Variants in TAFA1 observed in about 807,000 individuals in gnomAD.
TAFA1 encodes the protein TAFA chemokine like family member 1, also known as chemokine-like protein TAFA-1.
TAFA1 carries 4 observed loss-of-function variants against 18.5 expected under a neutral mutation model. That is an observed-to-expected ratio of 0.22 (90% confidence interval 0.11 to 0.49). The LOEUF (loss-of-function observed/expected upper bound fraction) is 0.49. TAFA1 is among the 20% of genes least tolerant of loss of function. The probability of loss-of-function intolerance (pLI) is 0.98; values close to 1 mark genes in which losing one functional copy is unlikely to be tolerated. For missense variants in TAFA1, 147 were observed against 169.0 expected (o/e 0.87, Z 0.72); for synonymous variants, 56 against 55.2 (o/e 1.01, Z -0.06).
chr3:68,353,870 C>A (rs9824696), intron 2 of TAFA1, among the ~76,000 whole-genome samples: 1 of 151,950 alleles, frequency 6.6e-6, no homozygotes, highest in African/African-American at 2.4e-5. Flanking sequence ...ATTAATCAAC[C>A]CCAGTCTGAG....
chr3:68,286,951 A>G (rs1382279478), intron 2 of TAFA1, among the ~76,000 whole-genome samples: 1 of 152,192 alleles, frequency 6.6e-6, no homozygotes, highest in African/African-American at 2.4e-5. Context: ...TACAATTGGA[A>G]CAGAGGCTCA....
At chr3:68,147,971 A>C (rs1583659) in intron 2 of TAFA1, among the ~76,000 whole-genome samples, 84,481 of 152,064 alleles carry the variant, frequency 0.56, 25,050 homozygotes, top group South Asian at 0.74. Context: ...AAATAAATCA[A>C]TTATTTGGTG....
chr3:68,148,633 C>T (rs1287199593), intron 2 of TAFA1, among the ~76,000 whole-genome samples: 3 of 152,110 alleles, frequency 2.0e-5, no homozygotes, highest in African/African-American at 4.8e-5. Context: ...TGTCACATTC[C>T]GTGCTGTGTT....
In TAFA1 at chr3:68,224,896, C is replaced by CT. The variant is rs71112624; in HGVS notation, c.119-192354dup. ...TTTCCAAAACGTTTGGCTTGTGGCACTTTTTTTTTTTTTTTTTTTTTTTTT... is the reference window on the plus strand; with the variant it reads ...TTTCCAAAACGTTTGGCTTGTGGCACTTTTTTTTTTTTTTTTTTTTTTTTTT... On this transcript the variant is annotated intron_variant, in intron 2 of 4. Coordinates refer to ENST00000478136, the MANE Select transcript of TAFA1 (RefSeq NM_213609.4). Among the ~76,000 whole-genome samples, 159 of 46,374 alleles carry CT rather than the reference C, an allele frequency of 3.4e-3. 36 individuals are homozygous for CT. In the East Asian group the frequency reaches 0.036, roughly 10 times the overall value. 30.4% of individuals were successfully genotyped at this position (46,374 alleles called of 152,430 possible). A position where few individuals can be genotyped will look rare whatever the true frequency, so the allele number is the denominator to read the frequency against.
intron 3 of TAFA1, among the ~76,000 whole-genome samples, chr3:68,476,957 C>T (rs2072109793): frequency 6.6e-6 from 1 of 152,036 alleles, no homozygotes; most frequent in Non-Finnish European, 1.5e-5. Flanking sequence ...GGTAAATACA[C>T]CCATGTATCC....
At chr3:68,036,668 A>G (rs1416554330) in intron 2 of TAFA1, among the ~76,000 whole-genome samples, 1 of 152,040 alleles carries the variant, frequency 6.6e-6, no homozygotes, top group Non-Finnish European at 1.5e-5. Flanking sequence ...TGGTAAATCC[A>G]TGTGAGGTTA....
At chr3:68,397,701 A>G (rs1316111759) in intron 2 of TAFA1, among the ~76,000 whole-genome samples, 1 of 152,132 alleles carries the variant, frequency 6.6e-6, no homozygotes, top group Non-Finnish European at 1.5e-5. Flanking sequence ...GCTGGGTGAA[A>G]TGGTATTTCT....
At chr3:68,164,491 T>C (rs1049384614) in intron 2 of TAFA1, among the ~76,000 whole-genome samples, 6 of 152,208 alleles carry the variant, frequency 3.9e-5, no homozygotes, top group Non-Finnish European at 7.3e-5. Flanking sequence ...ATATTCCCAG[T>C]TTTTGTAAAC....
At chr3:68,375,243 C>G (rs1179304143) in intron 2 of TAFA1, among the ~76,000 whole-genome samples, 1 of 152,112 alleles carries the variant, frequency 6.6e-6, no homozygotes, top group African/African-American at 2.4e-5. Context: ...AGGAGCAGGA[C>G]TGTTTTCTAT....
At chr3:68,536,790 T>C (rs1414958524) in intron 3 of TAFA1, among the ~76,000 whole-genome samples, 4 of 152,192 alleles carry the variant, frequency 2.6e-5, no homozygotes, top group African/African-American at 4.8e-5. Flanking sequence ...TGGTCATCCT[T>C]GATATTCCCC....
At chr3:68,081,666 C>T (rs1386433661) in intron 2 of TAFA1, among the ~76,000 whole-genome samples, 2 of 152,148 alleles carry the variant, frequency 1.3e-5, no homozygotes, top group Non-Finnish European at 2.9e-5. Flanking sequence ...GGCAGTCTGC[C>T]CCTTCTCAGA....
At chr3:68,201,863 G>A (rs1446725433) in intron 2 of TAFA1, among the ~76,000 whole-genome samples, 1 of 151,686 alleles carries the variant, frequency 6.6e-6, no homozygotes, top group Non-Finnish European at 1.5e-5. Flanking sequence ...TTTTTGTGCT[G>A]TGCCATAACA....
chr3:68,204,347 A>G (rs2066501755), intron 2 of TAFA1, among the ~76,000 whole-genome samples: 1 of 151,786 alleles, frequency 6.6e-6, no homozygotes, highest in African/African-American at 2.4e-5. Flanking sequence ...ATCTGGTAGC[A>G]GAGATGATCA....
At chr3:68,442,830 A>T (rs1241771825) in intron 3 of TAFA1, among the ~76,000 whole-genome samples, 1 of 152,114 alleles carries the variant, frequency 6.6e-6, no homozygotes, top group Non-Finnish European at 1.5e-5. Context: ...TTTACTATAA[A>T]CTGTTTCTCT....
intron 3 of TAFA1, among the ~76,000 whole-genome samples, chr3:68,426,002 G>T (rs760640520): frequency 1.3e-5 from 2 of 151,266 alleles, no homozygotes; most frequent in African/African-American, 4.9e-5. Flanking sequence ...TCATACAGTC[G>T]TTTCCTACTA....
At chr3:68,078,794 T>A (rs13237594) in intron 2 of TAFA1, among the ~76,000 whole-genome samples, 2 of 152,196 alleles carry the variant, frequency 1.3e-5, no homozygotes, top group East Asian at 3.9e-4. Flanking sequence ...TGTCTCTGCC[T>A]GGCTTTGGTA....
At chr3:68,203,187 A>G (rs1054642651) in intron 2 of TAFA1, among the ~76,000 whole-genome samples, 10 of 151,630 alleles carry the variant, frequency 6.6e-5, no homozygotes, top group African/African-American at 1.9e-4. Context: ...GCTCCTTTGC[A>G]GGTAAGGTGT....
rs188778685 is a variant in TAFA1, at chr3:68,286,173, T to A, written c.119-131107T>A. On this transcript the variant is annotated intron_variant, in intron 2 of 4. Transcript: ENST00000478136. ...CTGCAGTGGGCCAAGATTGCACCAC[T>A]GCACTCCAGCCTGGTGACAGAGCAA... 1.6e-3 allele frequency among the ~76,000 whole-genome samples: 237 copies of A among 152,244 alleles called. 1 individual carries two copies. Among genetic ancestry groups the A allele is most frequent in the African/African-American group, 5.5e-3 (228 of 41,536 alleles).
At chr3:68,419,086 A>G (rs2070905148) in intron 3 of TAFA1, among the ~76,000 whole-genome samples, 1 of 152,180 alleles carries the variant, frequency 6.6e-6, no homozygotes, top group Non-Finnish European at 1.5e-5. Context: ...CTCAAAAAAA[A>G]CTTGATGTCC....
Sources: gnomAD v4.1 joint callset for allele counts (sites outside exome capture counted in the v4.1 genomes callset) on GRCh38, gnomAD v4.1.1 for gene constraint, MANE v1.5 for transcripts, NCBI Gene and HGNC (gene_info 2026-07-23, HGNC 2026-07-21) for gene names.